MYO1F: variants seen among roughly 807,000 people sequenced by gnomAD.
MYO1F encodes the protein myosin IF.
In MYO1F, 60 loss-of-function variants were observed where a neutral mutation model predicts 146.6. That is an observed-to-expected ratio of 0.41 (90% CI 0.33 to 0.51). The LOEUF (loss-of-function observed/expected upper bound fraction) is 0.51. MYO1F is among the 20% of genes least tolerant of loss of function. MYO1F has a pLI of 0.25. For missense variants in MYO1F, 1,274 were observed against 1,534.3 expected, an observed-to-expected ratio of 0.83 and a Z score of 2.83; for synonymous variants, 602 against 602.1, an observed-to-expected ratio of 1.00 and a Z score of 0.00.
rs763107534 is a variant in MYO1F, at chr19:8,536,410, G to T, written c.1899-14C>A. On this transcript the variant is annotated splice_polypyrimidine_tract_variant and intron_variant, in intron 18 of 27. Transcript: ENST00000644032. ...AGAATGGCATACCTGAGGGCGGAGGGCTGGGGTGTGGGAGTGCTCATAGCA... is the reference window on the plus strand; with the variant it reads ...AGAATGGCATACCTGAGGGCGGAGGTCTGGGGTGTGGGAGTGCTCATAGCA... The T allele has an allele frequency of 1.9e-6, 3 of 1,607,544 alleles. No homozygotes were observed. Among genetic ancestry groups the T allele is most frequent in the Non-Finnish European group, 2.5e-6 (3 of 1,179,512 alleles).
intron 25 of MYO1F, among the ~76,000 whole-genome samples, chr19:8,524,742 G>C (rs530050667): frequency 6.6e-6 from 1 of 152,206 alleles, no homozygotes; most frequent in South Asian, 2.1e-4. Context: ...GCTTTGCAGG[G>C]GCAAGTTTCC....
chr19:8,574,191 C>A (rs2042161306), intron 1 of MYO1F, among the ~76,000 whole-genome samples: 1 of 152,132 alleles, frequency 6.6e-6, no homozygotes, highest in African/African-American at 2.4e-5. Context: ...AGCCCACCTG[C>A]AAGAGCCATT....
At chr19:8,529,807 C>G (rs1003681625) in intron 21 of MYO1F, 1 of 397,918 alleles carries the variant, frequency 2.5e-6, no homozygotes, top group Non-Finnish European at 4.8e-6. Context: ...GAGTGTATAC[C>G]TGTGGGCAGG....
intron 1 of MYO1F, chr19:8,576,860 A>C: frequency 4.3e-6 from 1 of 233,410 alleles, no homozygotes; most frequent in Non-Finnish European, 8.6e-6. Flanking sequence ...CTGAAGAGCA[A>C]CTTCCGCATC....
In MYO1F at chr19:8,525,550, T is replaced by A; in HGVS notation, c.2783A>T (p.Lys928Met). ...CCGAGGTTTTCCCTTGGCCATTCCCTTCCGCGTAGGCTCTGAAAGAAGAGT... is the reference window on the plus strand; with the variant it reads ...CCGAGGTTTTCCCTTGGCCATTCCCATCCGCGTAGGCTCTGAAAGAAGAGT... ...GLPKSSKPTRKGMAKGKPRRS... is the reference protein window; with the variant it reads ...GLPKSSKPTRMGMAKGKPRRS... The change falls in exon 25 of 28, where the codon AAG becomes ATG. Residue 928 changes from lysine to methionine, a missense_variant. Lys to Met is a moderately conservative substitution (Grantham distance 95, BLOSUM62 -1). Transcript: ENST00000644032. The A allele has an allele frequency of 6.2e-7, 1 of 1,613,478 alleles. No homozygotes were observed. Among genetic ancestry groups the A allele is most frequent in the East Asian group, 2.2e-5 (1 of 44,862 alleles).
At chr19:8,564,226 C>G (rs765117088) in intron 1 of MYO1F, among the ~76,000 whole-genome samples, 1 of 151,906 alleles carries the variant, frequency 6.6e-6, no homozygotes, top group Non-Finnish European at 1.5e-5. Context: ...ACTAAAAATA[C>G]AAAAATTAGC....
At chr19:8,576,262 A>G (rs573120483) in intron 1 of MYO1F, among the ~76,000 whole-genome samples, 1 of 152,230 alleles carries the variant, frequency 6.6e-6, no homozygotes, top group South Asian at 2.1e-4. Context: ...GCCTCCTAAA[A>G]TGCTGGGATT....
chr19:8,552,335 T>C (rs1235422893), intron 6 of MYO1F, among the ~76,000 whole-genome samples, 171 bp from the exon 7 acceptor site: 3 of 152,014 alleles, frequency 2.0e-5, no homozygotes, highest in Non-Finnish European at 2.9e-5. Flanking sequence ...GTCGGCTCAC[T>C]GCAACGTCCA....
At chr19:8,537,137 T>C in intron 16 of MYO1F, 82 bp from the exon 17 acceptor site, 1 of 921,480 alleles carries the variant, frequency 1.1e-6, no homozygotes, top group Non-Finnish European at 1.7e-6. Flanking sequence ...CTGGATACAG[T>C]CCCAATAGAC....
chr19:8,542,724 C>T (rs1366997380), intron 14 of MYO1F, among the ~76,000 whole-genome samples: 2 of 151,944 alleles, frequency 1.3e-5, no homozygotes, highest in Non-Finnish European at 2.9e-5. Context: ...TCTCAGCCTC[C>T]CGATGAGCTG....
Position 8,530,576 on chromosome 19 carries a change from G to A in MYO1F, c.2044-3C>T. ...CGCACCTCCTCCAGGAGGAAAAGCT[G>A]GGCGGGGGTCGTGGGGGGCAAGGGT... On this transcript the variant is annotated splice_polypyrimidine_tract_variant and splice_region_variant and intron_variant, in intron 19 of 27. Transcript: ENST00000644032. The surrounding 1 kb of genome is among the most constrained non-coding windows in gnomAD (Gnocchi z 5.8). 6.2e-7 allele frequency: 1 copy of A among 1,609,784 alleles called. No individual in the cohort carries two copies. Among genetic ancestry groups the A allele is most frequent in the East Asian group, 2.2e-5 (1 of 44,878 alleles).
chr19:8,521,391 G>T lies in MYO1F; in HGVS notation c.*137C>A. On this transcript the variant is annotated 3_prime_UTR_variant, in exon 28 of 28. Transcript: ENST00000644032. ...ACCTGGTGACCCAGGGCCTGGGCAG[G>T]ACTGGAGGCCAAAGGACTGGACTTT... 1.1e-6 allele frequency: 1 copy of T among 904,752 alleles called. No homozygotes were observed. 56.0% of individuals were successfully genotyped at this position (904,752 alleles called of 1,614,324 possible). A position where few individuals can be genotyped will look rare whatever the true frequency, so the allele number is the denominator to read the frequency against.
chr19:8,533,687 T>C (rs1311214961), intron 19 of MYO1F, among the ~76,000 whole-genome samples: 2 of 152,026 alleles, frequency 1.3e-5, no homozygotes, highest in Non-Finnish European at 2.9e-5. Flanking sequence ...CTTTAGAGAG[T>C]ATGGCCATGC....
At chr19:8,543,996 CTGGTGGTGGCGGTGGCGGTGGCGG>C (rs1405715029) in intron 14 of MYO1F, 1 of 137,280 alleles carries the variant, frequency 7.3e-6, no homozygotes, top group East Asian at 2.2e-4. Context: ...GGTGGTGGTG[CTGGTGGTGGCGGTGGCGGTGGCGG>C]TGGCGGTGGC....
At chr19:8,546,840 G>A (rs991916300) in intron 12 of MYO1F, among the ~76,000 whole-genome samples, 10 of 152,026 alleles carry the variant, frequency 6.6e-5, no homozygotes, top group African/African-American at 1.9e-4. Flanking sequence ...CACCACACCT[G>A]GCTAAGTTTT....
chr19:8,527,272 A>G, intron 22 of MYO1F, 66 bp downstream of exon 22: 3 of 1,606,324 alleles, frequency 1.9e-6, no homozygotes, highest in Non-Finnish European at 2.6e-6. Context: ...AGACGGGGTC[A>G]CTAGAATGAG....
Position 8,521,501 on chromosome 19 carries a change from A to G in MYO1F, c.*27T>C. 2 of 1,607,886 alleles carry G rather than the reference A, an allele frequency of 1.2e-6. No homozygotes were observed. Among genetic ancestry groups the G allele is most frequent in the South Asian group, 2.2e-5 (2 of 90,166 alleles). ...GCCGGCAGGCAGATAGGCGGGCGAA[A>G]GAGAAGGCAGTATCCCAGGGCCCAG... is the stretch of plus-strand genomic sequence containing the variant. On this transcript the variant is annotated 3_prime_UTR_variant, in exon 28 of 28. Coordinates refer to ENST00000644032, the MANE Select transcript of MYO1F (RefSeq NM_012335.4).
rs536197936 is a variant in MYO1F, at chr19:8,552,687, C to T, written c.504+452G>A. Among the ~76,000 whole-genome samples the T allele has an allele frequency of 3.3e-5, 5 of 151,716 alleles. No homozygotes were observed. In the South Asian group the frequency reaches 1.0e-3, roughly 32 times the overall value. On this transcript the variant is annotated intron_variant, in intron 6 of 27. Coordinates refer to ENST00000644032, the MANE Select transcript of MYO1F (RefSeq NM_012335.4). ...CAAACAGAGGAAACTCAGGAAGTTG[C>T]ATAGATTTTTTTCCCCCCCAGGCTA...
intron 1 of MYO1F, among the ~76,000 whole-genome samples, chr19:8,559,229 A>G (rs1287467947): frequency 6.7e-6 from 1 of 150,066 alleles, no homozygotes; most frequent in African/African-American, 2.4e-5. Flanking sequence ...GATTCCAGGG[A>G]TACAGGCAGG....
Sources: allele counts gnomAD v4.1 joint callset (sites outside exome capture counted in the v4.1 genomes callset), GRCh38; gene constraint gnomAD v4.1.1; non-coding constraint Gnocchi (gnomAD v3.1); transcripts MANE v1.5; gene names NCBI Gene and HGNC (gene_info 2026-07-23, HGNC 2026-07-21).